LTBP1: variants seen among roughly 807,000 people sequenced by gnomAD.
LTBP1 encodes latent-transforming growth factor beta-binding protein 1.
Under a neutral mutation model 207.6 loss-of-function variants are expected in LTBP1, and 129 were observed. The observed-to-expected ratio is 0.62, with a 90% CI of 0.54 to 0.72. The LOEUF (loss-of-function observed/expected upper bound fraction) is 0.72. Among genes scored for constraint, LTBP1 ranks in the 30% least tolerant of loss-of-function variants. LTBP1 has a pLI of 0.00. For missense variants in LTBP1, 2,281 were observed against 2,217.2 expected, an observed-to-expected ratio of 1.03 and a Z score of -0.58; for synonymous variants, 963 against 833.7, an observed-to-expected ratio of 1.16 and a Z score of -2.67.
intron 5 of LTBP1, among the ~76,000 whole-genome samples, chr2:33,164,048 T>A (rs1241439596): frequency 6.6e-6 from 1 of 152,044 alleles, no homozygotes; most frequent in Non-Finnish European, 1.5e-5. Flanking sequence ...GTTGACTTGT[T>A]CATTAAGATT....
chr2:33,107,069 G>A (rs1349875010), intron 3 of LTBP1, among the ~76,000 whole-genome samples: 3 of 152,124 alleles, frequency 2.0e-5, no homozygotes, highest in Non-Finnish European at 2.9e-5. Flanking sequence ...TTGAACTACC[G>A]GGTTGTAACC....
chr2:33,243,844 A>T, intron 10 of LTBP1, 60 bp downstream of exon 10: 1 of 1,593,264 alleles, frequency 6.3e-7, no homozygotes, highest in Non-Finnish European at 8.6e-7. Context: ...GTTTTTCCAA[A>T]AGAACGGAAA....
chr2:33,256,739 TATATATATATATA>T (rs2092867821), intron 11 of LTBP1, among the ~76,000 whole-genome samples: 1 of 28,668 alleles, frequency 3.5e-5, no homozygotes, highest in East Asian at 2.3e-3. Flanking sequence ...TATATATATA[TATATATATATATA>T]TATATATATA....
intron 4 of LTBP1, among the ~76,000 whole-genome samples, chr2:33,115,451 T>G (rs757610610): frequency 3.9e-5 from 6 of 152,110 alleles, no homozygotes; most frequent in Non-Finnish European, 8.8e-5. Flanking sequence ...CTGAAAACAC[T>G]AAAAATAAAA....
intron 3 of LTBP1, among the ~76,000 whole-genome samples, chr2:33,082,543 G>T (rs2078499974): frequency 7.0e-6 from 1 of 141,944 alleles, no homozygotes; most frequent in Admixed American, 7.7e-5. Flanking sequence ...GCCTGCCTCA[G>T]CCTCCTGAGT....
At chr2:33,099,449 T>A (rs1050343308) in intron 3 of LTBP1, among the ~76,000 whole-genome samples, 2 of 151,632 alleles carry the variant, frequency 1.3e-5, no homozygotes, top group Non-Finnish European at 2.9e-5. Context: ...TTTAAAAAAT[T>A]TTCCCGTATG....
chr2:33,285,262 G>A (rs1390716810), intron 19 of LTBP1, among the ~76,000 whole-genome samples: 3 of 151,366 alleles, frequency 2.0e-5, no homozygotes, highest in South Asian at 2.1e-4. Context: ...GGCTAGCCTC[G>A]AACTCCTGAC....
rs1558707536 is a variant in LTBP1 at position 33,149,241 on chromosome 2, A to AAAC, written c.1201+14283_1201+14284insCAA. On this transcript the variant is annotated intron_variant, in intron 5 of 33. Coordinates refer to ENST00000404816, the MANE Select transcript of LTBP1 (RefSeq NM_206943.4). Reference sequence around the variant, plus strand: ...CTCACAAAAAAACAAAAAAAAAAAAAAAAAAAAAAAAAAAGAGAGGGAGCT... The same window carrying AAAC: ...CTCACAAAAAAACAAAAAAAAAAAAAAACAAAAAAAAAAAAAAGAGAGGGAGCT... Among the ~76,000 whole-genome samples the AAAC allele has an allele frequency of 9.3e-4, 135 of 144,434 alleles. 1 individual carries two copies. The Middle Eastern group carries it at 0.014, about 15-fold the overall frequency. 94.8% of individuals were successfully genotyped at this position (144,434 alleles called of 152,430 possible).
At chr2:33,217,921 A>G (rs1309858077) in intron 8 of LTBP1, among the ~76,000 whole-genome samples, 3 of 152,222 alleles carry the variant, frequency 2.0e-5, no homozygotes, top group African/African-American at 4.8e-5. Flanking sequence ...ATGAGTTAAA[A>G]TGGACTTTTT....
chr2:33,363,815 A>C (rs1163160425), intron 29 of LTBP1, among the ~76,000 whole-genome samples: 1 of 152,216 alleles, frequency 6.6e-6, no homozygotes, highest in African/African-American at 2.4e-5. Context: ...CTGTTTCATC[A>C]CTCATACCGT....
intron 3 of LTBP1, among the ~76,000 whole-genome samples, chr2:33,039,765 A>G (rs968723379): frequency 6.6e-6 from 1 of 152,188 alleles, no homozygotes; most frequent in Non-Finnish European, 1.5e-5. Flanking sequence ...TTTTTCAGGA[A>G]TCTGAGTTGG....
chr2:33,024,217 A>G (rs766307689), intron 3 of LTBP1, among the ~76,000 whole-genome samples: 19 of 152,238 alleles, frequency 1.2e-4, no homozygotes, highest in Non-Finnish European at 2.6e-4. Context: ...CAGTTGATAA[A>G]TGACATAATT....
chr2:33,066,433 T>C (rs1422531632), intron 3 of LTBP1, among the ~76,000 whole-genome samples: 1 of 152,228 alleles, frequency 6.6e-6, no homozygotes. Flanking sequence ...TTTAGTGGCA[T>C]GTGTATTAAC....
chr2:33,147,019 C>G (rs59291317), intron 5 of LTBP1, among the ~76,000 whole-genome samples: 1 of 152,154 alleles, frequency 6.6e-6, no homozygotes, highest in Non-Finnish European at 1.5e-5. Context: ...GTGGATTCAC[C>G]TGTGTAAAAA....
intron 20 of LTBP1, among the ~76,000 whole-genome samples, chr2:33,295,144 A>T (rs1462781800): frequency 6.6e-6 from 1 of 151,912 alleles, no homozygotes; most frequent in Non-Finnish European, 1.5e-5. Flanking sequence ...TATACTTAAC[A>T]TTTATATTTG....
At position 33,223,833 on chromosome 2, in the gene LTBP1, C is replaced by G. The variant is rs533198696; in HGVS notation, c.1876+1682C>G. On this transcript the variant is annotated intron_variant, in intron 9 of 33. Coordinates refer to ENST00000404816, the MANE Select transcript of LTBP1 (RefSeq NM_206943.4). ...GACCTAGAAACATGAGTGTGTTTAG[C>G]ACGCAGAAGTACAGACTGAAGAGAA... Among the ~76,000 whole-genome samples the G allele has an allele frequency of 4.9e-4, 74 of 152,244 alleles. 2 individuals carry two copies. Among genetic ancestry groups the G allele is most frequent in the African/African-American group, 1.7e-3 (70 of 41,532 alleles).
intron 26 of LTBP1, 94 bp downstream of exon 26, chr2:33,347,604 G>C: frequency 6.9e-7 from 1 of 1,446,278 alleles, no homozygotes; most frequent in Non-Finnish European, 9.6e-7. Context: ...AGTGAGATAA[G>C]AAGCAGCCAG....
chr2:33,099,208 A>G (rs960599184), intron 3 of LTBP1, among the ~76,000 whole-genome samples: 3 of 152,206 alleles, frequency 2.0e-5, no homozygotes, highest in African/African-American at 7.2e-5. Context: ...CAGATGTTTG[A>G]ATTTGGTTAA....
chr2:33,119,166 A>T (rs1572715009), intron 4 of LTBP1, among the ~76,000 whole-genome samples: 1 of 150,036 alleles, frequency 6.7e-6, no homozygotes, highest in South Asian at 2.1e-4. Context: ...AGTCAGACTG[A>T]TTTTTTTTTT....
Sources: gnomAD v4.1 joint callset for allele counts (sites outside exome capture counted in the v4.1 genomes callset) on GRCh38, gnomAD v4.1.1 for gene constraint, MANE v1.5 for transcripts, NCBI Gene and HGNC (gene_info 2026-07-23, HGNC 2026-07-21) for gene names.